Variants in RBFOX1 observed in about 807,000 individuals in gnomAD.
RBFOX1 encodes the protein RNA binding protein fox-1 homolog 1.
In RBFOX1, 8 loss-of-function variants were observed where a neutral mutation model predicts 57.7. That is an observed-to-expected ratio of 0.14 (90% CI 0.08 to 0.25). The LOEUF (loss-of-function observed/expected upper bound fraction) is 0.25, where lower values mean the gene tolerates loss of function less well. Ranked by LOEUF, RBFOX1 falls within the 10% of genes least tolerant of loss-of-function variation. The pLI is 1.00. For synonymous variants in RBFOX1, 326 were observed against 222.4 expected (o/e 1.47, Z -4.15); for missense variants, 611 against 548.5 (o/e 1.11, Z -1.14).
chr16:6,342,993 C>A (rs1421006209), intron 2 of RBFOX1, among the ~76,000 whole-genome samples: 2 of 152,040 alleles, frequency 1.3e-5, no homozygotes, highest in African/African-American at 2.4e-5. Flanking sequence ...CTTTAGGAGA[C>A]CATGGTTTTT....
chr16:7,007,791 G>C (rs1001702080), intron 3 of RBFOX1, among the ~76,000 whole-genome samples: 4 of 152,152 alleles, frequency 2.6e-5, no homozygotes, highest in Admixed American at 6.5e-5. Context: ...ATGGGGTAAG[G>C]CTGCTGCCAT....
At chr16:6,601,259 A>C (rs9922663) in intron 2 of RBFOX1, among the ~76,000 whole-genome samples, 1 of 152,170 alleles carries the variant, frequency 6.6e-6, no homozygotes, top group Non-Finnish European at 1.5e-5. Flanking sequence ...TATAATTCCA[A>C]CTAGGGCTAT....
At chr16:5,373,601 C>G (rs1253750872) in intron 1 of RBFOX1, among the ~76,000 whole-genome samples, 1 of 150,538 alleles carries the variant, frequency 6.6e-6, no homozygotes, top group Admixed American at 6.6e-5. Flanking sequence ...AGTTAAACGT[C>G]TTTTCTTTTT....
At chr16:7,487,067 T>G (rs1599711000) in intron 4 of RBFOX1, among the ~76,000 whole-genome samples, 1 of 152,090 alleles carries the variant, frequency 6.6e-6, no homozygotes, top group South Asian at 2.1e-4. Flanking sequence ...GCCCAGCTAA[T>G]TTTTGTAATT....
chr16:6,066,844 CT>C (rs1404512800), intron 1 of RBFOX1, among the ~76,000 whole-genome samples: 1 of 151,922 alleles, frequency 6.6e-6, no homozygotes, highest in Non-Finnish European at 1.5e-5. Flanking sequence ...GAGACATGGG[CT>C]TTTCTTTATT....
intron 3 of RBFOX1, among the ~76,000 whole-genome samples, chr16:6,679,581 A>G (rs1218925094): frequency 6.6e-6 from 1 of 152,150 alleles, no homozygotes; most frequent in Non-Finnish European, 1.5e-5. Flanking sequence ...TAGCCTCATT[A>G]TCTTTTTATG....
intron 3 of RBFOX1, among the ~76,000 whole-genome samples, chr16:6,891,007 C>G (rs931243975): frequency 1.3e-5 from 2 of 152,154 alleles, no homozygotes; most frequent in South Asian, 2.1e-4. Context: ...CCCTTCAACA[C>G]TGTGAACGTT....
intron 1 of RBFOX1, among the ~76,000 whole-genome samples, chr16:6,080,082 T>G (rs2095977197): frequency 6.6e-6 from 1 of 152,188 alleles, no homozygotes; most frequent in African/African-American, 2.4e-5. Context: ...TGTTTTCTAA[T>G]GTACAGTGGA....
chr16:5,993,516 G>A (rs549474906), intron 4 of RBFOX1, among the ~76,000 whole-genome samples: 103 of 152,234 alleles, frequency 6.8e-4, no homozygotes, highest in African/African-American at 2.4e-3. Flanking sequence ...AGCCAAGTCT[G>A]TAGAATTCAC....
chr16:6,553,678 T>C (rs1005846452), intron 2 of RBFOX1, among the ~76,000 whole-genome samples: 1 of 152,130 alleles, frequency 6.6e-6, no homozygotes, highest in Non-Finnish European at 1.5e-5. Context: ...GAAAAGAAGA[T>C]TTGTTTTAAG....
intron 3 of RBFOX1, among the ~76,000 whole-genome samples, chr16:5,700,866 G>A (rs2051022255): frequency 6.6e-6 from 1 of 152,192 alleles, no homozygotes; most frequent in South Asian, 2.1e-4. Context: ...CTGGCCAGTT[G>A]TAGGTCACAT....
At chr16:5,654,803 C>T (rs554957202) in intron 3 of RBFOX1, among the ~76,000 whole-genome samples, 5 of 151,450 alleles carry the variant, frequency 3.3e-5, no homozygotes, top group African/African-American at 1.2e-4. Flanking sequence ...CTCTCTCTCT[C>T]TCTGTCCCTC....
intron 3 of RBFOX1, among the ~76,000 whole-genome samples, chr16:6,937,902 T>C (rs2077645602): frequency 6.8e-6 from 1 of 146,492 alleles, no homozygotes; most frequent in Non-Finnish European, 1.5e-5. Flanking sequence ...TCATGAGGCA[T>C]TCCTATCATG....
At chr16:5,593,733 C>T (rs1394854851) in intron 2 of RBFOX1, among the ~76,000 whole-genome samples, 1 of 152,200 alleles carries the variant, frequency 6.6e-6, no homozygotes, top group African/African-American at 2.4e-5. Flanking sequence ...TAAAAATGGG[C>T]AACCAGCAGC....
chr16:7,512,486 G>C (rs1046714523), intron 4 of RBFOX1, among the ~76,000 whole-genome samples: 1 of 152,196 alleles, frequency 6.6e-6, no homozygotes, highest in African/African-American at 2.4e-5. Context: ...ATATTAATTA[G>C]GGTCTCTCTG....
intron 3 of RBFOX1, among the ~76,000 whole-genome samples, chr16:7,046,283 C>A (rs2047913865): frequency 6.6e-6 from 1 of 150,646 alleles, no homozygotes; most frequent in African/African-American, 2.4e-5. Context: ...TCCAGTTACT[C>A]TATCATTATT....
intron 3 of RBFOX1, among the ~76,000 whole-genome samples, chr16:5,825,086 C>T (rs1312695872): frequency 6.6e-6 from 1 of 152,224 alleles, no homozygotes; most frequent in Non-Finnish European, 1.5e-5. Flanking sequence ...GGAGCATCAA[C>T]ACAGGAAGGA....
intron 2 of RBFOX1, among the ~76,000 whole-genome samples, chr16:6,403,755 T>A (rs2093171005): frequency 6.6e-6 from 1 of 152,152 alleles, no homozygotes; most frequent in Non-Finnish European, 1.5e-5. Context: ...GAGCCCTATG[T>A]TCATGCATTG....
chr16:6,535,343 G>T (rs1424691073), intron 2 of RBFOX1, among the ~76,000 whole-genome samples: 1 of 152,076 alleles, frequency 6.6e-6, no homozygotes, highest in Non-Finnish European at 1.5e-5. Context: ...AGCTCCTCTG[G>T]GTATGAGGTC....
Sources: gnomAD v4.1 joint callset for allele counts (sites outside exome capture counted in the v4.1 genomes callset) on GRCh38, gnomAD v4.1.1 for gene constraint, MANE v1.5 for transcripts, NCBI Gene and HGNC (gene_info 2026-07-23, HGNC 2026-07-21) for gene names.